DIP2B: variants seen among roughly 807,000 people sequenced by gnomAD.
The protein encoded by DIP2B is DIP2 acetate--CoA ligase B (putative), also known as disco-interacting protein 2 homolog B.
DIP2B carries 76 observed loss-of-function variants against 198.0 expected under a neutral mutation model. The ratio of observed to expected loss-of-function variants is 0.38; its 90% confidence interval spans 0.32 to 0.46. DIP2B has a LOEUF of 0.46. Ranked by LOEUF, DIP2B falls within the 20% of genes least tolerant of loss-of-function variation. DIP2B has a pLI of 0.99. For synonymous variants in DIP2B, 701 were observed against 739.1 expected, an observed-to-expected ratio of 0.95 and a Z score of 0.84; for missense variants, 1,559 against 1,978.4, an observed-to-expected ratio of 0.79 and a Z score of 4.02.
chr12:50,540,643 G>T (rs947862331), intron 1 of DIP2B, among the ~76,000 whole-genome samples: 5 of 150,990 alleles, frequency 3.3e-5, no homozygotes, highest in African/African-American at 1.2e-4. Flanking sequence ...CCGCCTCCCG[G>T]ATTCACGCCA....
chr12:50,590,455 C>T (rs767811135), intron 1 of DIP2B, among the ~76,000 whole-genome samples: 4 of 152,068 alleles, frequency 2.6e-5, no homozygotes, highest in Non-Finnish European at 4.4e-5. Context: ...CTGCAACCTC[C>T]GCCTCCGGGG....
rs370829597 is a variant in DIP2B at position 50,619,785 on chromosome 12, A to G, written c.101-6191A>G. ...TAGAAACTGAGGCTCTGCTGAGCGCATTGGTTCACACCTGTAATCCCAACA... is the reference window on the plus strand; with the variant it reads ...TAGAAACTGAGGCTCTGCTGAGCGCGTTGGTTCACACCTGTAATCCCAACA... On this transcript the variant is annotated intron_variant, in intron 1 of 37. Coordinates refer to ENST00000301180, the MANE Select transcript of DIP2B (RefSeq NM_173602.3). Among the ~76,000 whole-genome samples the G allele has an allele frequency of 4.6e-5, 7 of 152,326 alleles. No individual in the cohort carries two copies. The East Asian group carries it at 7.7e-4, about 17-fold the overall frequency.
intron 16 of DIP2B, among the ~76,000 whole-genome samples, chr12:50,696,828 A>C (rs1186807153): frequency 6.6e-6 from 1 of 152,200 alleles, no homozygotes; most frequent in East Asian, 1.9e-4. Context: ...CCTTATTCCA[A>C]GGTGTAATTT....
At chr12:50,597,406 C>G (rs1169322140) in intron 1 of DIP2B, among the ~76,000 whole-genome samples, 1 of 152,132 alleles carries the variant, frequency 6.6e-6, no homozygotes, top group East Asian at 1.9e-4. Flanking sequence ...ATCCATTGGG[C>G]AAATAACTGG....
At chr12:50,605,725 T>C (rs1295203597) in intron 1 of DIP2B, among the ~76,000 whole-genome samples, 2 of 152,214 alleles carry the variant, frequency 1.3e-5, no homozygotes, top group African/African-American at 4.8e-5. Context: ...ATGGCTTCTT[T>C]CACTTACCAT....
In DIP2B at chr12:50,667,473, G is replaced by A. The variant is rs557285978; in HGVS notation, c.428-3713G>A. Among the ~76,000 whole-genome samples, 246 of 152,268 alleles carry A rather than the reference G, an allele frequency of 1.6e-3. 1 individual carries two copies. Among genetic ancestry groups the A allele is most frequent in the African/African-American group, 5.5e-3 (230 of 41,546 alleles). On this transcript the variant is annotated intron_variant, in intron 4 of 37. Transcript: ENST00000301180. The stretch of plus-strand genomic sequence containing the variant: ...ACAAATTCATAACAATTTCCTGGGT[G>A]ACAAATTGCTTTTAAAATAATATTT...
At chr12:50,510,930 C>A (rs1958009180) in intron 1 of DIP2B, among the ~76,000 whole-genome samples, 1 of 149,922 alleles carries the variant, frequency 6.7e-6, no homozygotes, top group Non-Finnish European at 1.5e-5. Context: ...CAGGCATGAG[C>A]CACTGCGCCT....
intron 6 of DIP2B, 61 bp downstream of exon 6, chr12:50,674,690 A>C: frequency 6.3e-7 from 1 of 1,596,052 alleles, no homozygotes; most frequent in Non-Finnish European, 8.6e-7. Flanking sequence ...AATTCAAATT[A>C]TGAATGATAG....
At chr12:50,708,398 T>C (rs886200798) in intron 21 of DIP2B, 50 bp from the exon 22 acceptor site, 10 of 1,508,862 alleles carry the variant, frequency 6.6e-6, no homozygotes, top group Non-Finnish European at 9.0e-6. Context: ...ACAAAACAAA[T>C]AGGACTGGTT....
chr12:50,741,647 C>T, intron 37 of DIP2B, 108 bp downstream of exon 37: 1 of 1,402,172 alleles, frequency 7.1e-7, no homozygotes, highest in South Asian at 1.4e-5. Context: ...AAACATAGAG[C>T]TCCATGGGAG....
At chr12:50,571,198 GT>G (rs1958610418) in intron 1 of DIP2B, among the ~76,000 whole-genome samples, 1 of 145,226 alleles carries the variant, frequency 6.9e-6, no homozygotes, top group African/African-American at 2.6e-5. Flanking sequence ...TGGAGATGGA[GT>G]CTTACTCTGT....
intron 1 of DIP2B, among the ~76,000 whole-genome samples, chr12:50,523,761 T>G (rs1958139916): frequency 6.6e-6 from 1 of 152,180 alleles, no homozygotes; most frequent in Admixed American, 6.5e-5. Flanking sequence ...GGAAAACAAT[T>G]ACGTGTGAAA....
chr12:50,636,761 T>C (rs1938167337), intron 2 of DIP2B, among the ~76,000 whole-genome samples: 1 of 152,170 alleles, frequency 6.6e-6, no homozygotes, highest in Non-Finnish European at 1.5e-5. Flanking sequence ...GGAGCAGAGC[T>C]CCTGGTGTTG....
intron 1 of DIP2B, among the ~76,000 whole-genome samples, chr12:50,600,922 C>CACCACCACCACCACT (rs1958930016): frequency 1.3e-5 from 2 of 148,968 alleles, no homozygotes; most frequent in African/African-American, 5.0e-5. Context: ...CCACCACCAC[C>CACCACCACCACCACT]ACCACCACCA....
chr12:50,505,660 C>G (rs185640452), intron 1 of DIP2B, among the ~76,000 whole-genome samples: 14 of 152,230 alleles, frequency 9.2e-5, no homozygotes, highest in African/African-American at 2.6e-4. Flanking sequence ...TCCAGCCCCC[C>G]CTTCCCCCTT....
intron 14 of DIP2B, 69 bp from the exon 15 acceptor site, chr12:50,695,198 C>A (rs1939289279): frequency 3.1e-6 from 4 of 1,276,976 alleles, no homozygotes; most frequent in Non-Finnish European, 4.5e-6. Flanking sequence ...TAACAAAATA[C>A]CAGCTCAATT....
chr12:50,540,100 A>T (rs1593591677), intron 1 of DIP2B, among the ~76,000 whole-genome samples: 3 of 64,498 alleles, frequency 4.7e-5, no homozygotes, highest in Admixed American at 1.7e-4. Flanking sequence ...CAAATATCAT[A>T]GCTATGAACA....
chr12:50,639,230 C>T (rs1938212168), intron 2 of DIP2B, among the ~76,000 whole-genome samples: 2 of 151,952 alleles, frequency 1.3e-5, no homozygotes, highest in Non-Finnish European at 2.9e-5. Context: ...GCTGAGACTA[C>T]AGGCGTGAAT....
intron 1 of DIP2B, among the ~76,000 whole-genome samples, chr12:50,618,675 A>G (rs1437597448): frequency 6.6e-6 from 1 of 152,176 alleles, no homozygotes; most frequent in African/African-American, 2.4e-5. Context: ...ACTGTAGGCA[A>G]ATTGCTTAAA....
Sources: gnomAD v4.1 joint callset for allele counts (sites outside exome capture counted in the v4.1 genomes callset) on GRCh38, gnomAD v4.1.1 for gene constraint, MANE v1.5 for transcripts, NCBI Gene and HGNC (gene_info 2026-07-23, HGNC 2026-07-21) for gene names.